ASPH: variants seen among roughly 807,000 people sequenced by gnomAD.
ASPH encodes the protein aspartyl/asparaginyl beta-hydroxylase.
ASPH carries 100 observed loss-of-function variants against 118.4 expected under a neutral mutation model. The ratio of observed to expected loss-of-function variants is 0.84; its 90% CI spans 0.72 to 1.00. The LOEUF is 1.00. Ranked by LOEUF, ASPH falls within the 50% of genes least tolerant of loss-of-function variation. ASPH has a pLI of 0.00. For synonymous variants in ASPH, 315 were observed against 325.6 expected, an observed-to-expected ratio of 0.97 and a Z score of 0.35; for missense variants, 920 against 919.5, an observed-to-expected ratio of 1.00 and a Z score of -0.01.
At chr8:61,595,484 G>A (rs1369103715) in intron 14 of ASPH, among the ~76,000 whole-genome samples, 1 of 152,186 alleles carries the variant, frequency 6.6e-6, no homozygotes, top group Non-Finnish European at 1.5e-5. Context: ...AACAGAGGTA[G>A]TGAAAAATAA....
intron 3 of ASPH, chr8:61,665,366 A>T (rs765576429): frequency 6.2e-7 from 1 of 1,613,576 alleles, no homozygotes; most frequent in South Asian, 1.1e-5. Context: ...AACATCCTTC[A>T]TATTTGTTGA....
intron 14 of ASPH, among the ~76,000 whole-genome samples, chr8:61,617,101 G>A (rs1043216561): frequency 6.6e-6 from 1 of 152,198 alleles, no homozygotes; most frequent in South Asian, 2.1e-4. Flanking sequence ...CCAGTCTAGA[G>A]TGCAGGCAAA....
At chr8:61,541,647 A>C (rs1325417652) in intron 21 of ASPH, among the ~76,000 whole-genome samples, 3 of 152,214 alleles carry the variant, frequency 2.0e-5, no homozygotes, top group African/African-American at 7.2e-5. Flanking sequence ...TGTCACAGTC[A>C]CTACTGTCAA....
chr8:61,607,195 A>G (rs1845838602), intron 14 of ASPH: 1 of 680,766 alleles, frequency 1.5e-6, no homozygotes, highest in South Asian at 1.6e-5. Context: ...CTTCTTAGCT[A>G]GAAGCTGTTA....
intron 14 of ASPH, among the ~76,000 whole-genome samples, chr8:61,587,946 C>T (rs369625052): frequency 6.6e-6 from 1 of 152,068 alleles, no homozygotes; most frequent in Non-Finnish European, 1.5e-5. Context: ...GCACTCTGGG[C>T]CTCAGCTTTC....
At chr8:61,533,990 C>G (rs2129633476) in intron 21 of ASPH, among the ~76,000 whole-genome samples, 1 of 152,252 alleles carries the variant, frequency 6.6e-6, no homozygotes, top group African/African-American at 2.4e-5. Flanking sequence ...TCTTGTTGCC[C>G]AGGCTAGAGT....
chr8:61,619,581 A>T (rs28414065), intron 13 of ASPH, among the ~76,000 whole-genome samples: 3,258 of 152,288 alleles, frequency 0.021, 40 homozygotes, highest in Non-Finnish European at 0.035. Context: ...CCTGTGTCAG[A>T]TGCACTAAGT....
At chr8:61,633,122 T>C (rs1271622264) in intron 13 of ASPH, 1 of 154,884 alleles carries the variant, frequency 6.5e-6, no homozygotes, top group Non-Finnish European at 1.4e-5. Context: ...GTTACCATTC[T>C]TTATATTAAC....
At chr8:61,689,767 G>A in intron 1 of ASPH, 1 of 1,526,562 alleles carries the variant, frequency 6.6e-7, no homozygotes, top group Non-Finnish European at 8.8e-7. Context: ...ACTGCTGGCA[G>A]GTTTTAGGCA....
At chr8:61,555,837 C>T in intron 19 of ASPH, 87 bp downstream of exon 19, 3 of 1,151,892 alleles carry the variant, frequency 2.6e-6, no homozygotes, top group Non-Finnish European at 2.5e-6. Flanking sequence ...GCAGTGCATG[C>T]AATCAATCTA....
chr8:61,547,757 C>T (rs570061870), intron 21 of ASPH, among the ~76,000 whole-genome samples: 47 of 151,682 alleles, frequency 3.1e-4, no homozygotes, highest in Non-Finnish European at 5.2e-4. Flanking sequence ...AATTTTCTTT[C>T]ACTTTTAATG....
chr8:61,632,423 G>C (rs1646368565), intron 13 of ASPH, among the ~76,000 whole-genome samples: 1 of 152,164 alleles, frequency 6.6e-6, no homozygotes, highest in African/African-American at 2.4e-5. Flanking sequence ...TCATCAAAAT[G>C]CTAATTCTGT....
At position 61,644,610 on chromosome 8, in the gene ASPH, C is replaced by A; in HGVS notation, c.642G>T (p.Val214=). Residue 214 remains valine (V), a synonymous_variant, in exon 7 of 25, where the codon GTG becomes GTT. Coordinates refer to ENST00000379454, the MANE Select transcript of ASPH (RefSeq NM_004318.4). ...AAATTAAAATCTCACCTGTCTCTTC[C>A]ACGTGGTAACTATGCTCGGTTTCTG... ...SHEETEHSYH[V]EETVSQDCNQ... is the part of the protein sequence containing the mutation. 1 of 1,583,202 alleles carries A rather than the reference C, an allele frequency of 6.3e-7. No individual in the cohort carries two copies. Among genetic ancestry groups the A allele is most frequent in the South Asian group, 1.2e-5 (1 of 83,868 alleles).
intron 6 of ASPH, among the ~76,000 whole-genome samples, chr8:61,646,381 A>G (rs1181392774): frequency 6.6e-6 from 1 of 152,218 alleles, no homozygotes; most frequent in Non-Finnish European, 1.5e-5. Context: ...TGCTCACTGT[A>G]ATTACAGAGT....
chr8:61,705,677 T>G (rs1836419642), intron 1 of ASPH, among the ~76,000 whole-genome samples: 1 of 152,164 alleles, frequency 6.6e-6, no homozygotes, highest in Admixed American at 6.5e-5. Flanking sequence ...TTCTCTATCC[T>G]AATAGGTTAT....
chr8:61,541,128 T>C (rs1821752626), intron 21 of ASPH, among the ~76,000 whole-genome samples: 1 of 151,972 alleles, frequency 6.6e-6, no homozygotes, highest in Non-Finnish European at 1.5e-5. Context: ...TAAGGCAATA[T>C]AATGGTTTTG....
chr8:61,687,338 T>C (rs1269190995), intron 1 of ASPH: 1 of 152,140 alleles, frequency 6.6e-6, no homozygotes, highest in Non-Finnish European at 1.5e-5. Flanking sequence ...AATGAATGCA[T>C]GCACCAAAAC....
At chr8:61,551,894 C>T (rs1826148625) in intron 20 of ASPH, among the ~76,000 whole-genome samples, 1 of 152,148 alleles carries the variant, frequency 6.6e-6, no homozygotes, top group Non-Finnish European at 1.5e-5. Context: ...TATCTCATTC[C>T]ATTTCAGTTG....
In ASPH at chr8:61,600,311, A is replaced by T. The variant is rs1843614416; in HGVS notation, c.977-16282T>A. Among the ~76,000 whole-genome samples, 355 of 147,936 alleles carry T rather than the reference A, an allele frequency of 2.4e-3. 1 individual carries two copies. Among genetic ancestry groups the T allele is most frequent in the African/African-American group, 8.8e-3 (331 of 37,496 alleles). ...AAAAGCAGAAAGCCTTTCCTCTAAG[A>T]ACTGAAATAAGAAAAAGGTGTTTAC... On this transcript the variant is annotated intron_variant, in intron 14 of 24. Transcript: ENST00000379454.
Sources: allele counts gnomAD v4.1 joint callset (sites outside exome capture counted in the v4.1 genomes callset), GRCh38; gene constraint gnomAD v4.1.1; transcripts MANE v1.5; gene names NCBI Gene and HGNC (gene_info 2026-07-23, HGNC 2026-07-21).